The following MAD1L1 variants were observed in gnomAD, a reference collection of about 807,000 sequenced individuals.
MAD1L1 encodes the protein mitotic arrest deficient 1 like 1, also known as mitotic spindle assembly checkpoint protein MAD1.
A neutral mutation model predicts 96.9 loss-of-function variants in MAD1L1; 95 were observed. The observed-to-expected ratio is 0.98, with a 90% CI of 0.83 to 1.16. The LOEUF (loss-of-function observed/expected upper bound fraction) is 1.16. Among genes scored for constraint, MAD1L1 ranks in the 50% most tolerant of loss-of-function variants. The pLI is 0.00. For synonymous variants in MAD1L1, 473 were observed against 396.6 expected (o/e 1.19, Z -2.29); for missense variants, 1,007 against 954.4 (o/e 1.06, Z -0.73).
At position 2,209,208 on chromosome 7, in the gene MAD1L1, A is replaced by G. The variant is rs192613970; in HGVS notation, c.986+4004T>C. ...TCCCATGGTTTCACTGACCCACCCC[A>G]GCCAGCCTGCCCAGCCTCCTCTCCT... On this transcript the variant is annotated intron_variant, in intron 10 of 18. Coordinates refer to ENST00000265854, the MANE Select transcript of MAD1L1 (RefSeq NM_001013836.2). 1.7e-3 allele frequency among the ~76,000 whole-genome samples: 255 copies of G among 152,242 alleles called. 1 individual carries two copies. Among genetic ancestry groups the G allele is most frequent in the Admixed American group, 5.0e-3 (76 of 15,304 alleles).
intron 11 of MAD1L1, among the ~76,000 whole-genome samples, chr7:2,116,570 G>GC (rs1474754089): frequency 1.7e-5 from 2 of 121,036 alleles, no homozygotes; most frequent in Non-Finnish European, 3.6e-5. Flanking sequence ...AGAGGGTTGG[G>GC]GGGGGGGGGG....
intron 18 of MAD1L1, among the ~76,000 whole-genome samples, chr7:1,855,391 G>T (rs1352723640): frequency 6.6e-6 from 1 of 151,952 alleles, no homozygotes; most frequent in Non-Finnish European, 1.5e-5. Context: ...GCTTCCTTCT[G>T]CTTGATGCCA....
chr7:2,208,848 C>T (rs1240593034), intron 10 of MAD1L1, among the ~76,000 whole-genome samples: 1 of 152,130 alleles, frequency 6.6e-6, no homozygotes, highest in African/African-American at 2.4e-5. Context: ...CTTTCCTCAC[C>T]CGTAAGTCAC....
intron 11 of MAD1L1, 118 bp downstream of exon 11, chr7:2,149,034 G>T: frequency 1.1e-6 from 1 of 870,992 alleles, no homozygotes. Context: ...CCAGACCAGG[G>T]CCAACCACAT....
At chr7:1,912,022 G>A (rs1045273731) in intron 17 of MAD1L1, among the ~76,000 whole-genome samples, 4 of 152,236 alleles carry the variant, frequency 2.6e-5, no homozygotes, top group African/African-American at 4.8e-5. Flanking sequence ...GACACTTGTC[G>A]GGGGTCTGGG....
rs972141145 is a variant in MAD1L1, at chr7:2,216,340, T to C, written c.679-53A>G. On this transcript the variant is annotated intron_variant, in intron 7 of 18. Coordinates refer to ENST00000265854, the MANE Select transcript of MAD1L1 (RefSeq NM_001013836.2). ...GGGAAAAATGAGCCACGAAGAGACCTGGAGAAAATCACACGCACACGGCTA... is the reference window on the plus strand; with the variant it reads ...GGGAAAAATGAGCCACGAAGAGACCCGGAGAAAATCACACGCACACGGCTA... 16 of 1,578,890 alleles carry C rather than the reference T, an allele frequency of 1.0e-5. No homozygotes were observed. The Middle Eastern group carries it at 5.1e-4, about 50-fold the overall frequency.
intron 9 of MAD1L1, among the ~76,000 whole-genome samples, chr7:2,213,806 C>T (rs1793113142): frequency 1.3e-5 from 2 of 152,314 alleles, no homozygotes; most frequent in Middle Eastern, 3.4e-3. Flanking sequence ...TGCCTACAGG[C>T]CAGCCCACCC....
chr7:1,863,017 C>T (rs1227374145), intron 18 of MAD1L1, among the ~76,000 whole-genome samples: 5 of 152,250 alleles, frequency 3.3e-5, no homozygotes, highest in Non-Finnish European at 7.3e-5. Flanking sequence ...CTCCTCACTG[C>T]CTGGTTGCTG....
intron 17 of MAD1L1, among the ~76,000 whole-genome samples, chr7:1,930,785 C>G (rs1789426892): frequency 6.6e-6 from 1 of 151,934 alleles, no homozygotes; most frequent in African/African-American, 2.4e-5. Context: ...GGCCACGCGG[C>G]TCCCCCTTAA....
At chr7:1,950,507 G>A (rs532073200) in intron 16 of MAD1L1, among the ~76,000 whole-genome samples, 3 of 152,358 alleles carry the variant, frequency 2.0e-5, no homozygotes, top group East Asian at 1.9e-4. Context: ...ATCTGCGGAG[G>A]GCGACTTGTA....
intron 11 of MAD1L1, among the ~76,000 whole-genome samples, chr7:2,076,752 C>T (rs1361572875): frequency 2.6e-5 from 4 of 152,002 alleles, no homozygotes; most frequent in African/African-American, 9.7e-5. Context: ...GAGCCCGCAA[C>T]ATGGTGAGCC....
At chr7:1,914,803 T>A (rs1183390911) in intron 17 of MAD1L1, among the ~76,000 whole-genome samples, 1 of 152,200 alleles carries the variant, frequency 6.6e-6, no homozygotes, top group Non-Finnish European at 1.5e-5. Context: ...TTTTTATAAA[T>A]AGGGTCTTGC....
chr7:1,851,753 C>T (rs879582269), intron 18 of MAD1L1, among the ~76,000 whole-genome samples: 5 of 152,114 alleles, frequency 3.3e-5, no homozygotes, highest in African/African-American at 1.2e-4. Flanking sequence ...CTTACAGTGT[C>T]GCGAAACCTG....
At chr7:1,825,934 G>A (rs562402008) in intron 18 of MAD1L1, among the ~76,000 whole-genome samples, 16 of 151,932 alleles carry the variant, frequency 1.1e-4, no homozygotes, top group Admixed American at 5.2e-4. Flanking sequence ...AGCCCCAGGC[G>A]GGGTTGGAGG....
intron 10 of MAD1L1, among the ~76,000 whole-genome samples, chr7:2,173,252 G>C (rs566066000): frequency 1.6e-4 from 24 of 152,240 alleles, no homozygotes; most frequent in African/African-American, 5.3e-4. Flanking sequence ...GGCATTACCT[G>C]TGACTTCTCA....
chr7:1,839,200 G>A (rs1302595972), intron 18 of MAD1L1, among the ~76,000 whole-genome samples: 4 of 152,152 alleles, frequency 2.6e-5, no homozygotes, highest in Non-Finnish European at 5.9e-5. Context: ...CTTCGTGTAG[G>A]TGGAGCAGGG....
At chr7:2,226,694 G>A (rs1272457095) in intron 3 of MAD1L1, among the ~76,000 whole-genome samples, 1 of 152,190 alleles carries the variant, frequency 6.6e-6, no homozygotes, top group African/African-American at 2.4e-5. Flanking sequence ...TACTCAGTCA[G>A]AATCTTCTCT....
At chr7:1,872,396 G>C (rs559097969) in intron 18 of MAD1L1, among the ~76,000 whole-genome samples, 1 of 152,286 alleles carries the variant, frequency 6.6e-6, no homozygotes, top group East Asian at 1.9e-4. Context: ...CCTGCTCCTG[G>C]GTGAGCCCTC....
chr7:1,970,628 C>T (rs1780362719), intron 15 of MAD1L1, among the ~76,000 whole-genome samples: 1 of 152,070 alleles, frequency 6.6e-6, no homozygotes, highest in East Asian at 1.9e-4. Context: ...GCCACCATGC[C>T]CAGCCTATTA....
Sources: gnomAD v4.1 joint callset for allele counts (sites outside exome capture counted in the v4.1 genomes callset) on GRCh38, gnomAD v4.1.1 for gene constraint, MANE v1.5 for transcripts, NCBI Gene and HGNC (gene_info 2026-07-23, HGNC 2026-07-21) for gene names.